The following BICC1 variants were observed in gnomAD, a reference collection of about 807,000 sequenced individuals.
BICC1 encodes the protein protein bicaudal C homolog 1.
In BICC1, 43 loss-of-function variants were observed where a neutral mutation model predicts 111.0. The ratio of observed to expected loss-of-function variants is 0.39; its 90% confidence interval spans 0.30 to 0.50. The LOEUF (loss-of-function observed/expected upper bound fraction) is 0.50, where lower values mean the gene tolerates loss of function less well. Ranked by LOEUF, BICC1 falls within the 20% of genes least tolerant of loss-of-function variation. The probability of loss-of-function intolerance (pLI) is 0.88; values close to 1 mark genes in which losing one functional copy is unlikely to be tolerated. For synonymous variants in BICC1, 467 were observed against 434.4 expected (o/e 1.07, Z -0.93); for missense variants, 1,091 against 1,203.2 (o/e 0.91, Z 1.38).
chr10:58,778,419 G>A (rs1162108968), intron 3 of BICC1, among the ~76,000 whole-genome samples: 1 of 151,980 alleles, frequency 6.6e-6, no homozygotes, highest in Non-Finnish European at 1.5e-5. Context: ...TAACATAAAA[G>A]GTTGATTAGC....
chr10:58,715,058 ACT>A (rs878960788), intron 3 of BICC1, among the ~76,000 whole-genome samples: 3 of 149,518 alleles, frequency 2.0e-5, no homozygotes, highest in South Asian at 4.2e-4. Context: ...ACAGAGCAAG[ACT>A]CTGTCTCAAA....
chr10:58,614,382 T>C (rs529987739), intron 1 of BICC1, among the ~76,000 whole-genome samples: 18 of 152,342 alleles, frequency 1.2e-4, no homozygotes, highest in Non-Finnish European at 2.1e-4. Flanking sequence ...AAGGTATTTA[T>C]GGGCTTGGGA....
intron 1 of BICC1, among the ~76,000 whole-genome samples, chr10:58,524,919 C>T (rs1261427575): frequency 2.0e-5 from 3 of 152,146 alleles, no homozygotes; most frequent in South Asian, 4.1e-4. Flanking sequence ...ACAAACACTT[C>T]TCAAAAGAAG....
In BICC1 at chr10:58,687,379, C is replaced by G. The variant is rs190971665; in HGVS notation, c.238-14695C>G. Among the ~76,000 whole-genome samples the G allele has an allele frequency of 2.3e-3, 352 of 152,314 alleles. 2 individuals are homozygous for G. Among genetic ancestry groups the G allele is most frequent in the African/African-American group, 7.7e-3 (321 of 41,586 alleles). ...ATCTGAAACTCCATGCTGGGAGAAC[C>G]ACTACTGTCTTCAAAGCTGTCAGAC... On this transcript the variant is annotated intron_variant, in intron 2 of 20. Coordinates refer to ENST00000373886, the MANE Select transcript of BICC1 (RefSeq NM_001080512.3).
At chr10:58,646,867 C>A (rs1433841742) in intron 2 of BICC1, among the ~76,000 whole-genome samples, 2 of 151,958 alleles carry the variant, frequency 1.3e-5, no homozygotes, top group African/African-American at 4.8e-5. Flanking sequence ...GAAGGTATTT[C>A]TTTTCGTAGG....
intron 3 of BICC1, among the ~76,000 whole-genome samples, chr10:58,760,141 T>C (rs904869756): frequency 7.9e-5 from 12 of 152,146 alleles, no homozygotes; most frequent in African/African-American, 2.7e-4. Context: ...ATTTGTATGT[T>C]GTGGAATGAG....
intron 2 of BICC1, among the ~76,000 whole-genome samples, chr10:58,697,349 T>C (rs1840093066): frequency 6.6e-6 from 1 of 152,226 alleles, no homozygotes; most frequent in Non-Finnish European, 1.5e-5. Flanking sequence ...TTTATTTCCA[T>C]GATGTTTTTG....
intron 1 of BICC1, among the ~76,000 whole-genome samples, chr10:58,605,086 A>G (rs1033796949): frequency 2.6e-5 from 4 of 152,224 alleles, no homozygotes; most frequent in Non-Finnish European, 5.9e-5. Flanking sequence ...GCATATGACT[A>G]TGAAGGCAAA....
chr10:58,519,606 C>CT (rs1051372099), intron 1 of BICC1, among the ~76,000 whole-genome samples: 3 of 152,008 alleles, frequency 2.0e-5, no homozygotes, highest in Non-Finnish European at 2.9e-5. Context: ...TCTTTCTTTC[C>CT]TTTTTTTAAA....
chr10:58,591,022 C>T (rs1844598478), intron 1 of BICC1, among the ~76,000 whole-genome samples: 1 of 152,204 alleles, frequency 6.6e-6, no homozygotes, highest in African/African-American at 2.4e-5. Flanking sequence ...CCCTCAAAGG[C>T]CTGAATAGAC....
intron 3 of BICC1, among the ~76,000 whole-genome samples, chr10:58,733,895 T>C (rs558049335): frequency 1.2e-4 from 19 of 152,346 alleles, no homozygotes; most frequent in South Asian, 1.0e-3. Flanking sequence ...AGCCAGTTAC[T>C]AGTTGTAATT....
intron 3 of BICC1, among the ~76,000 whole-genome samples, chr10:58,709,972 A>G (rs1259974423): frequency 1.3e-5 from 2 of 152,134 alleles, no homozygotes; most frequent in Non-Finnish European, 2.9e-5. Context: ...TCCAGACTAT[A>G]GTTGTTTTGG....
intron 3 of BICC1, among the ~76,000 whole-genome samples, chr10:58,739,835 A>G (rs550294247): frequency 2.6e-5 from 4 of 152,306 alleles, no homozygotes; most frequent in East Asian, 1.9e-4. Flanking sequence ...AAATTAGTAT[A>G]TAAATCTTAG....
At chr10:58,621,970 A>AGAATAGAAT (rs1588940629) in intron 2 of BICC1, among the ~76,000 whole-genome samples, 6 of 133,752 alleles carry the variant, frequency 4.5e-5, no homozygotes, top group Non-Finnish European at 5.0e-5. Context: ...AGAATAGAAT[A>AGAATAGAAT]ATCCAGCCTG....
At chr10:58,514,632 A>G (rs1214686336) in intron 1 of BICC1, among the ~76,000 whole-genome samples, 1 of 151,894 alleles carries the variant, frequency 6.6e-6, no homozygotes, top group Admixed American at 6.6e-5. Context: ...TTTATTGACA[A>G]ACATCCCTAA....
At chr10:58,728,118 A>T (rs1388563625) in intron 3 of BICC1, among the ~76,000 whole-genome samples, 1 of 152,186 alleles carries the variant, frequency 6.6e-6, no homozygotes, top group Non-Finnish European at 1.5e-5. Context: ...ATTTCTTACG[A>T]AAGTCAACAA....
intron 1 of BICC1, among the ~76,000 whole-genome samples, chr10:58,536,338 C>A (rs1842826079): frequency 1.3e-5 from 2 of 151,752 alleles, no homozygotes; most frequent in Admixed American, 1.3e-4. Context: ...CAAAACAAAT[C>A]TCAATAAATT....
At chr10:58,813,354 C>T (rs1448626387) in intron 17 of BICC1, among the ~76,000 whole-genome samples, 1 of 151,982 alleles carries the variant, frequency 6.6e-6, no homozygotes, top group Non-Finnish European at 1.5e-5. Flanking sequence ...GGGAGGGTAA[C>T]ACAGGGGAAA....
At chr10:58,694,497 T>G (rs972003506) in intron 2 of BICC1, among the ~76,000 whole-genome samples, 1 of 152,214 alleles carries the variant, frequency 6.6e-6, no homozygotes, top group Non-Finnish European at 1.5e-5. Flanking sequence ...CTTGTGTTGT[T>G]GAGGGATTGG....
Sources: allele counts gnomAD v4.1 joint callset (sites outside exome capture counted in the v4.1 genomes callset), GRCh38; gene constraint gnomAD v4.1.1; transcripts MANE v1.5; gene names NCBI Gene and HGNC (gene_info 2026-07-23, HGNC 2026-07-21).